Variants in NOL4 observed in about 807,000 individuals in gnomAD.
NOL4 encodes the protein nucleolar protein 4, also known as cancer/testis antigen 125.
In NOL4, 17 loss-of-function variants were observed where a neutral mutation model predicts 75.9. The observed-to-expected ratio is 0.22, with a 90% confidence interval of 0.15 to 0.34. The LOEUF (loss-of-function observed/expected upper bound fraction) is 0.34, where lower values mean the gene tolerates loss of function less well. Among genes scored for constraint, NOL4 ranks in the 10% least tolerant of loss-of-function variants. NOL4 has a pLI of 1.00. For missense variants in NOL4, 614 were observed against 793.5 expected (o/e 0.77, Z 2.72); for synonymous variants, 292 against 289.9 (o/e 1.01, Z -0.07).
chr18:34,066,267 A>G (rs1438182023), intron 5 of NOL4, among the ~76,000 whole-genome samples: 1 of 151,982 alleles, frequency 6.6e-6, no homozygotes, highest in African/African-American at 2.4e-5. Flanking sequence ...TTTATTACAG[A>G]TGATTCATTC....
intron 9 of NOL4, among the ~76,000 whole-genome samples, chr18:33,903,890 C>T (rs949353882): frequency 1.3e-5 from 2 of 152,092 alleles, no homozygotes; most frequent in African/African-American, 4.8e-5. Flanking sequence ...AATCAACCAC[C>T]CTCCCTCTAT....
intron 1 of NOL4, among the ~76,000 whole-genome samples, chr18:34,140,642 G>A (rs2081107363): frequency 6.6e-6 from 1 of 152,114 alleles, no homozygotes; most frequent in Admixed American, 6.6e-5. Context: ...CAATTTGCCA[G>A]TCTGTGTCTT....
intron 9 of NOL4, among the ~76,000 whole-genome samples, chr18:33,899,780 G>A (rs1428822614): frequency 6.6e-6 from 1 of 152,126 alleles, no homozygotes; most frequent in East Asian, 1.9e-4. Flanking sequence ...CTGTTGGAGA[G>A]GGGGAATAGT....
intron 5 of NOL4, among the ~76,000 whole-genome samples, chr18:34,069,549 A>G (rs1170658629): frequency 1.3e-5 from 2 of 152,218 alleles, no homozygotes; most frequent in Non-Finnish European, 2.9e-5. Flanking sequence ...AAGAAGCTCA[A>G]CAAACACTAA....
intron 1 of NOL4, among the ~76,000 whole-genome samples, chr18:34,184,986 C>A (rs1012675229): frequency 6.6e-6 from 1 of 152,058 alleles, no homozygotes; most frequent in Admixed American, 6.6e-5. Flanking sequence ...AGATTAGGGA[C>A]TCAAAATTTT....
intron 5 of NOL4, among the ~76,000 whole-genome samples, chr18:34,068,353 C>A (rs935973872): frequency 2.6e-5 from 4 of 152,118 alleles, no homozygotes; most frequent in Non-Finnish European, 5.9e-5. Context: ...GAAGGAGGAA[C>A]AATGCTAAGA....
At chr18:33,854,807 C>T (rs1292752859) in intron 10 of NOL4, among the ~76,000 whole-genome samples, 1 of 151,550 alleles carries the variant, frequency 6.6e-6, no homozygotes, top group Non-Finnish European at 1.5e-5. Context: ...GATTGGCATC[C>T]TTAAGTAAAA....
intron 6 of NOL4, among the ~76,000 whole-genome samples, chr18:34,015,868 T>G (rs1485155351): frequency 6.6e-6 from 1 of 152,116 alleles, no homozygotes. Flanking sequence ...AAGCCAAAAA[T>G]CTTGGAGTCA....
At chr18:33,918,692 T>C (rs2066867583) in intron 9 of NOL4, among the ~76,000 whole-genome samples, 1 of 152,208 alleles carries the variant, frequency 6.6e-6, no homozygotes, top group Admixed American at 6.5e-5. Flanking sequence ...AAGGCTTTAA[T>C]TTTTAATGCA....
At chr18:33,886,095 T>G (rs2064629650) in intron 9 of NOL4, among the ~76,000 whole-genome samples, 1 of 152,098 alleles carries the variant, frequency 6.6e-6, no homozygotes, top group South Asian at 2.1e-4. Flanking sequence ...ATATTCTCAC[T>G]TATTTGTGGA....
At chr18:34,026,026 A>T (rs578253707) in intron 5 of NOL4, among the ~76,000 whole-genome samples, 1 of 152,332 alleles carries the variant, frequency 6.6e-6, no homozygotes, top group South Asian at 2.1e-4. Flanking sequence ...AGCCTGAGCT[A>T]TGAACCTCTT....
At chr18:34,204,265 C>T (rs2035966499) in intron 1 of NOL4, among the ~76,000 whole-genome samples, 1 of 152,096 alleles carries the variant, frequency 6.6e-6, no homozygotes, top group Admixed American at 6.6e-5. Flanking sequence ...AACCCCTTAT[C>T]ACAAATAATC....
intron 7 of NOL4, 42 bp downstream of exon 7, chr18:33,958,197 G>C: frequency 6.6e-7 from 1 of 1,512,116 alleles, no homozygotes; most frequent in Non-Finnish European, 9.0e-7. Flanking sequence ...TGAAAGTGAA[G>C]TGGTAAAAAT....
At chr18:34,021,715 A>T (rs2075048390) in intron 5 of NOL4, among the ~76,000 whole-genome samples, 1 of 152,190 alleles carries the variant, frequency 6.6e-6, no homozygotes, top group Non-Finnish European at 1.5e-5. Flanking sequence ...AGCAGTGGCA[A>T]TGCAGAAAAA....
rs571343740 is a variant in NOL4 at position 33,962,502 on chromosome 18, AATG to A, written c.1057-4087_1057-4085del. On this transcript the variant is annotated intron_variant, in intron 6 of 10. Transcript: ENST00000261592. ...ACAGTGTTCAAAACTGCCTCCATGC[AATG>A]ATAACATATGTGTAGCATGCTTTAA... 2.7e-3 allele frequency among the ~76,000 whole-genome samples: 418 copies of A among 152,358 alleles called. 4 individuals are homozygous for A. The highest frequency in any genetic ancestry group is 9.8e-3 in the African/African-American group (406 of 41,592).
intron 9 of NOL4, 116 bp downstream of exon 9, chr18:33,942,949 T>C (rs2068592880): frequency 6.0e-6 from 4 of 671,420 alleles, no homozygotes; most frequent in Non-Finnish European, 1.0e-5. Flanking sequence ...ACACAAAAAC[T>C]ATATCTCTGT....
At chr18:34,123,004 G>C (rs922216416) in intron 2 of NOL4, among the ~76,000 whole-genome samples, 2 of 151,378 alleles carry the variant, frequency 1.3e-5, no homozygotes, top group African/African-American at 4.9e-5. Flanking sequence ...TTCTCCAAAA[G>C]GTAAATTATA....
intron 6 of NOL4, among the ~76,000 whole-genome samples, chr18:34,009,885 T>C (rs946671743): frequency 6.6e-6 from 1 of 151,878 alleles, no homozygotes; most frequent in Non-Finnish European, 1.5e-5. Context: ...TCTGTAAAAA[T>C]GAGAAAACTA....
rs865867408 is a variant in NOL4 at position 34,161,100 on chromosome 18, T to C, written c.265-31080A>G. On this transcript the variant is annotated intron_variant, in intron 1 of 10. Coordinates refer to ENST00000261592, the MANE Select transcript of NOL4 (RefSeq NM_003787.5). ...CTTTTTGTGCGTGGCTTATTTCACT[T>C]AACACAATGTCCTTCGGGCTCAGCA... Among the ~76,000 whole-genome samples the C allele has an allele frequency of 2.6e-5, 4 of 152,186 alleles. No homozygotes were observed. In the South Asian group the frequency reaches 6.2e-4, roughly 24 times the overall value.
Sources: gnomAD v4.1 joint callset for allele counts (sites outside exome capture counted in the v4.1 genomes callset) on GRCh38, gnomAD v4.1.1 for gene constraint, MANE v1.5 for transcripts, NCBI Gene and HGNC (gene_info 2026-07-23, HGNC 2026-07-21) for gene names.